The following PC variants were observed in gnomAD, a reference collection of about 807,000 sequenced individuals.
PC encodes the protein pyruvate carboxylase.
PC carries 46 observed loss-of-function variants against 107.8 expected under a neutral mutation model. That is an observed-to-expected ratio of 0.43 (90% CI 0.34 to 0.55). PC has a LOEUF of 0.55. Ranked by LOEUF, PC falls within the 20% of genes least tolerant of loss-of-function variation. The pLI is 0.04. For missense variants in PC, 1,241 were observed against 1,643.1 expected (o/e 0.76, Z 4.23); for synonymous variants, 662 against 684.7 (o/e 0.97, Z 0.52).
chr11:66,852,159 C>T lies in PC; in HGVS notation c.1826-213G>A, dbSNP rs1325655849. On this transcript the variant is annotated intron_variant, in intron 15 of 22. Coordinates refer to ENST00000393960, the MANE Select transcript of PC (RefSeq NM_001040716.2). This position sits in a 1 kb window ranked among gnomAD's most constrained non-coding sequence, Gnocchi z 4.7. ...GCTCATTTGTGTCCCTTCTATGCCC[C>T]CTTTATAATCCCATCTTCTCCTCTA... Among the ~76,000 whole-genome samples the T allele has an allele frequency of 1.3e-5, 2 of 152,232 alleles. No individual in the cohort carries two copies. The highest frequency in any genetic ancestry group is 6.5e-5 in the Admixed American group (1 of 15,284).
intron 3 of PC, among the ~76,000 whole-genome samples, chr11:66,911,678 A>T (rs1335387997): frequency 6.6e-6 from 1 of 152,214 alleles, no homozygotes; most frequent in Non-Finnish European, 1.5e-5. Context: ...TATAAAGTTA[A>T]ATTAATAGAA....
intron 3 of PC, among the ~76,000 whole-genome samples, chr11:66,942,775 G>A (rs1463831427): frequency 1.3e-5 from 2 of 152,124 alleles, no homozygotes; most frequent in Non-Finnish European, 2.9e-5. Context: ...CACTTTGGGA[G>A]GCCGAGGCGG....
chr11:66,880,500 G>A lies in PC; in HGVS notation c.1-8341C>T, dbSNP rs116734588. On this transcript the variant is annotated intron_variant, in intron 3 of 22. Transcript: ENST00000393960. The stretch of plus-strand genomic sequence containing the variant: ...ACCCTCGGAAGTGGCAGCAGAGGGT[G>A]GGAGACGGCCTTCCTGAGACCCCCA... Among the ~76,000 whole-genome samples, 1,158 of 152,312 alleles carry A rather than the reference G, an allele frequency of 7.6e-3. 13 individuals are homozygous for A. Among genetic ancestry groups the A allele is most frequent in the African/African-American group, 0.025 (1,050 of 41,562 alleles).
Position 66,848,731 on chromosome 11 carries a change from G to A in PC, c.*168C>T, listed in dbSNP as rs748527225. ...CTGTCCGCCGGAGGAAAGGACGATG[G>A]CTGAAAGGAATGAACCACCGCAGGC... On this transcript the variant is annotated 3_prime_UTR_variant, in exon 23 of 23. Coordinates refer to ENST00000393960, the MANE Select transcript of PC (RefSeq NM_001040716.2). 7.8e-6 allele frequency: 6 copies of A among 773,690 alleles called. No individual in the cohort carries two copies. The highest frequency in any genetic ancestry group is 1.3e-5 in the Non-Finnish European group (6 of 466,422). The allele number at this position is 773,690 out of a possible 1,614,324, so 47.9% of individuals were successfully genotyped here. A position where few individuals can be genotyped will look rare whatever the true frequency, so the allele number is the denominator to read the frequency against.
chr11:66,894,711 C>T (rs1475095883), intron 3 of PC, among the ~76,000 whole-genome samples: 1 of 152,152 alleles, frequency 6.6e-6, no homozygotes, highest in Non-Finnish European at 1.5e-5. Context: ...ATAAAGAGGG[C>T]AGGCTGAAAG....
At position 66,860,186 on chromosome 11, in the gene PC, T is replaced by A. The variant is rs777147664; in HGVS notation, c.1368+3588A>T. 4 of 1,543,584 alleles carry A rather than the reference T, an allele frequency of 2.6e-6. No homozygotes were observed. Among genetic ancestry groups the A allele is most frequent in the Non-Finnish European group, 2.6e-6 (3 of 1,147,090 alleles). On this transcript the variant is annotated intron_variant, in intron 12 of 22. Coordinates refer to ENST00000393960, the MANE Select transcript of PC (RefSeq NM_001040716.2). ...GCAGCGCCGAGCGGCTGGAAGAGAG[T>A]GTGGTGTGATGGACGGGCAGCTTCC...
chr11:66,936,078 CAAAAAAAAAA>C (rs11346699), intron 3 of PC, among the ~76,000 whole-genome samples: 2 of 104,908 alleles, frequency 1.9e-5, no homozygotes, highest in African/African-American at 7.1e-5. Context: ...GACCCTGTCT[CAAAAAAAAAA>C]AAAAAAAAAA....
At chr11:66,896,535 AAGAC>A (rs1387159240) in intron 3 of PC, among the ~76,000 whole-genome samples, 1 of 152,258 alleles carries the variant, frequency 6.6e-6, no homozygotes, top group Non-Finnish European at 1.5e-5. Context: ...ACAAAGGAGA[AAGAC>A]AGAGGAAATC....
At chr11:66,892,830 G>A (rs1202427740) in intron 3 of PC, among the ~76,000 whole-genome samples, 1 of 151,990 alleles carries the variant, frequency 6.6e-6, no homozygotes, top group African/African-American at 2.4e-5. Flanking sequence ...ATTCTAGCCT[G>A]GGTGACAGAG....
intron 3 of PC, among the ~76,000 whole-genome samples, chr11:66,891,544 C>G (rs567992219): frequency 6.6e-6 from 1 of 152,038 alleles, no homozygotes; most frequent in African/African-American, 2.4e-5. Flanking sequence ...CAGGAATGCA[C>G]CACCATGCCC....
intron 3 of PC, among the ~76,000 whole-genome samples, chr11:66,943,208 A>G (rs1271112219): frequency 6.6e-6 from 1 of 151,516 alleles, no homozygotes; most frequent in Non-Finnish European, 1.5e-5. Flanking sequence ...CGAGCTGGCC[A>G]TGGTGGCTGG....
At chr11:66,859,619 ACCT>A in intron 12 of PC, 1 of 1,612,450 alleles carries the variant, frequency 6.2e-7, no homozygotes, top group Non-Finnish European at 8.5e-7. Context: ...GGCTCTGACC[ACCT>A]GCCCTTGCCT....
In PC at chr11:66,940,452, C is replaced by T. The variant is rs191468319; in HGVS notation, c.-1+11978G>A. Among the ~76,000 whole-genome samples, 50 of 152,118 alleles carry T rather than the reference C, an allele frequency of 3.3e-4. No homozygotes were observed. The East Asian group carries it at 8.9e-3, about 27-fold the overall frequency. On this transcript the variant is annotated intron_variant, in intron 3 of 22. Coordinates refer to ENST00000393960, the MANE Select transcript of PC (RefSeq NM_001040716.2). ...TCTGTAATCCCAGCACTTTGGGAGGCTGAAGCAGGCAGATCACTTGAGCTC... is the reference window on the plus strand; with the variant it reads ...TCTGTAATCCCAGCACTTTGGGAGGTTGAAGCAGGCAGATCACTTGAGCTC...
intron 13 of PC, 59 bp downstream of exon 13, chr11:66,853,180 G>A: frequency 6.3e-7 from 1 of 1,588,796 alleles, no homozygotes; most frequent in Non-Finnish European, 8.6e-7. Flanking sequence ...GGAGGTAGGA[G>A]CAAGAGATTG....
intron 2 of PC, among the ~76,000 whole-genome samples, chr11:66,952,669 G>A (rs1412537685): frequency 1.3e-5 from 2 of 152,286 alleles, no homozygotes; most frequent in African/African-American, 4.8e-5. Context: ...AGCCTCCTGA[G>A]GTAGTTGGGA....
rs1184456369 is a variant in PC at position 66,857,557 on chromosome 11, C to A, written c.1369-4174G>T. 4 of 610,508 alleles carry A rather than the reference C, an allele frequency of 6.6e-6. No individual in the cohort carries two copies. Among genetic ancestry groups the A allele is most frequent in the African/African-American group, 1.9e-5 (1 of 53,902 alleles). The allele number at this position is 610,508 out of a possible 1,614,324, so 37.8% of individuals were successfully genotyped here. A position where few individuals can be genotyped will look rare whatever the true frequency, so the allele number is the denominator to read the frequency against. The stretch of plus-strand genomic sequence containing the variant: ...CTGCTTGGGAAATGTGACCTTTGCT[C>A]TGGGGGGCCTGGCCCTGCAGGCCCC... On this transcript the variant is annotated intron_variant, in intron 12 of 22. Coordinates refer to ENST00000393960, the MANE Select transcript of PC (RefSeq NM_001040716.2). This position sits in a 1 kb window ranked among gnomAD's most constrained non-coding sequence, Gnocchi z 7.1.
chr11:66,870,961 C>T lies in PC; in HGVS notation c.634-69G>A. On this transcript the variant is annotated intron_variant, in intron 7 of 22. Transcript: ENST00000393960. The surrounding 1 kb of genome is among the most constrained non-coding windows in gnomAD (Gnocchi z 6.1). ...CGCTACCTCTCCCCTGCCATGAACC[C>T]CACCCACTTTCCAGATCCCTTGAGT... 6.2e-7 allele frequency: 1 copy of T among 1,606,660 alleles called. No individual in the cohort carries two copies. Among genetic ancestry groups the T allele is most frequent in the Non-Finnish European group, 8.5e-7 (1 of 1,175,614 alleles).
At chr11:66,923,550 G>A (rs190050408) in intron 3 of PC, among the ~76,000 whole-genome samples, 19 of 151,802 alleles carry the variant, frequency 1.3e-4, no homozygotes, top group South Asian at 2.1e-4. Flanking sequence ...TTGCTCCGTC[G>A]CCCAGGCTGG....
At chr11:66,939,467 C>T (rs1416339124) in intron 3 of PC, among the ~76,000 whole-genome samples, 1 of 152,126 alleles carries the variant, frequency 6.6e-6, no homozygotes, top group Non-Finnish European at 1.5e-5. Context: ...CCTTTACCAC[C>T]TTAAAGGGGA....
Sources: gnomAD v4.1 joint callset for allele counts (sites outside exome capture counted in the v4.1 genomes callset) on GRCh38, gnomAD v4.1.1 for gene constraint, Gnocchi (gnomAD v3.1) non-coding constraint, MANE v1.5 for transcripts, NCBI Gene and HGNC (gene_info 2026-07-23, HGNC 2026-07-21) for gene names.